CEP112: variants seen among roughly 807,000 people sequenced by gnomAD.
CEP112 encodes centrosomal protein 112.
Under a neutral mutation model 153.0 loss-of-function variants are expected in CEP112, and 127 were observed. That is an observed-to-expected ratio of 0.83 (90% CI 0.72 to 0.96). CEP112 has a LOEUF of 0.96. CEP112 is among the 40% of genes least tolerant of loss of function. The pLI, the probability that CEP112 is intolerant of heterozygous loss-of-function variation, is 0.00. For missense variants in CEP112, 1,089 were observed against 1,101.2 expected, an observed-to-expected ratio of 0.99 and a Z score of 0.16; for synonymous variants, 358 against 374.4, an observed-to-expected ratio of 0.96 and a Z score of 0.51.
intron 19 of CEP112, among the ~76,000 whole-genome samples, chr17:65,915,167 A>G (rs1483947630): frequency 6.6e-6 from 1 of 152,108 alleles, no homozygotes; most frequent in East Asian, 1.9e-4. Flanking sequence ...CCCTAGACTC[A>G]GTCCTGGAAG....
At chr17:66,189,111 G>A (rs2146956516) in intron 1 of CEP112, among the ~76,000 whole-genome samples, 1 of 152,222 alleles carries the variant, frequency 6.6e-6, no homozygotes, top group African/African-American at 2.4e-5. Context: ...ATGAAATCAA[G>A]CACAAAGCTC....
At chr17:66,027,308 C>A (rs1233452599) in intron 16 of CEP112, among the ~76,000 whole-genome samples, 193 bp downstream of exon 16, 1 of 151,946 alleles carries the variant, frequency 6.6e-6, no homozygotes, top group Non-Finnish European at 1.5e-5. Flanking sequence ...ACCTAGGAGG[C>A]AGAAGCTACA....
intron 23 of CEP112, 26 bp from the exon 24 acceptor site, chr17:65,689,244 C>T: frequency 6.6e-7 from 1 of 1,517,770 alleles, no homozygotes; most frequent in Non-Finnish European, 9.1e-7. Flanking sequence ...ATAAAGATAT[C>T]ATTAATAATT....
chr17:65,680,663 G>C (rs1304919934), intron 24 of CEP112, among the ~76,000 whole-genome samples: 1 of 152,170 alleles, frequency 6.6e-6, no homozygotes, highest in Non-Finnish European at 1.5e-5. Context: ...TTAATGCGGA[G>C]GGCGGGGAGG....
At chr17:66,008,244 AT>A (rs887087490) in intron 16 of CEP112, among the ~76,000 whole-genome samples, 6 of 152,134 alleles carry the variant, frequency 3.9e-5, no homozygotes, top group African/African-American at 1.4e-4. Flanking sequence ...ACATATACTT[AT>A]TTTTGTGATG....
intron 4 of CEP112, among the ~76,000 whole-genome samples, chr17:66,164,695 A>C (rs1349983727): frequency 6.6e-6 from 1 of 151,904 alleles, no homozygotes; most frequent in East Asian, 1.9e-4. Context: ...GTCTCTACTA[A>C]AAATACAAAA....
intron 18 of CEP112, among the ~76,000 whole-genome samples, chr17:65,952,358 A>C (rs1477315056): frequency 6.6e-6 from 1 of 152,072 alleles, no homozygotes; most frequent in Admixed American, 6.5e-5. Context: ...CAGGACTCAG[A>C]GAATAAAAAA....
intron 23 of CEP112, among the ~76,000 whole-genome samples, chr17:65,723,891 C>T (rs933639823): frequency 3.3e-4 from 51 of 152,278 alleles, no homozygotes; most frequent in African/African-American, 1.2e-3. Context: ...GGGTGAGATG[C>T]AAATCATCTG....
chr17:65,966,236 C>T (rs2062410216), intron 17 of CEP112, among the ~76,000 whole-genome samples: 1 of 152,142 alleles, frequency 6.6e-6, no homozygotes, highest in Non-Finnish European at 1.5e-5. Flanking sequence ...TGTTAAACAA[C>T]CACAAGCCAG....
At chr17:66,054,556 AG>A (rs1356154332) in intron 11 of CEP112, among the ~76,000 whole-genome samples, 2 of 152,342 alleles carry the variant, frequency 1.3e-5, no homozygotes, top group Admixed American at 6.5e-5. Flanking sequence ...AGGCAAATAC[AG>A]GAGGTCCAGA....
At chr17:65,850,153 CAAAAAAA>C (rs57086665) in intron 21 of CEP112, among the ~76,000 whole-genome samples, 1,016 of 35,732 alleles carry the variant, frequency 0.028, 7 homozygotes, top group African/African-American at 0.09. Flanking sequence ...GACTCTGTCT[CAAAAAAA>C]AAAAAAAAAA....
At chr17:65,866,403 G>A (rs2058487480) in intron 20 of CEP112, among the ~76,000 whole-genome samples, 1 of 152,232 alleles carries the variant, frequency 6.6e-6, no homozygotes, top group South Asian at 2.1e-4. Flanking sequence ...TGCGCCCCTT[G>A]GCACAAACAG....
At chr17:66,096,506 A>G in intron 7 of CEP112, 79 bp downstream of exon 7, 1 of 1,176,714 alleles carries the variant, frequency 8.5e-7, no homozygotes, top group Non-Finnish European at 1.2e-6. Flanking sequence ...GATCCGCATT[A>G]TTTTCTATAA....
At position 65,640,137 on chromosome 17, in the gene CEP112, C is replaced by CAT. The variant is rs762352624; in HGVS notation, c.2799+825_2799+826dup. The stretch of plus-strand genomic sequence containing the variant: ...ACAGGCGTGAGCCACTGCACCCGAC[C>CAT]ATATATATATATATATATTTTTTTT... On this transcript the variant is annotated intron_variant, in intron 25 of 26. Coordinates refer to ENST00000535342, the MANE Select transcript of CEP112 (RefSeq NM_001199165.4). 3.4e-3 allele frequency among the ~76,000 whole-genome samples: 384 copies of CAT among 112,060 alleles called. 6 individuals are homozygous for CAT. Among genetic ancestry groups the CAT allele is most frequent in the East Asian group, 0.013 (47 of 3,482 alleles). The allele number at this position is 112,060 out of a possible 152,430, so 73.5% of individuals were successfully genotyped here. A position where few individuals can be genotyped will look rare whatever the true frequency, so the allele number is the denominator to read the frequency against.
chr17:65,717,256 C>T (rs1166919677), intron 23 of CEP112, among the ~76,000 whole-genome samples: 1 of 152,162 alleles, frequency 6.6e-6, no homozygotes, highest in Non-Finnish European at 1.5e-5. Flanking sequence ...CTGGAAACAG[C>T]CTTTTAAAGG....
chr17:65,994,845 A>G (rs2063724704), intron 17 of CEP112, among the ~76,000 whole-genome samples: 1 of 152,114 alleles, frequency 6.6e-6, no homozygotes. Context: ...GTTCATTTGT[A>G]TCCCTGCCTG....
chr17:65,677,665 C>A (rs2047301113), intron 24 of CEP112, among the ~76,000 whole-genome samples: 1 of 152,146 alleles, frequency 6.6e-6, no homozygotes, highest in African/African-American at 2.4e-5. Flanking sequence ...GTAATCCCAG[C>A]ACTTTGGGAG....
At chr17:65,918,614 A>G (rs897014102) in intron 19 of CEP112, among the ~76,000 whole-genome samples, 5 of 152,218 alleles carry the variant, frequency 3.3e-5, no homozygotes, top group African/African-American at 1.2e-4. Context: ...GTTGCCAAAG[A>G]AATCTCTATA....
chr17:66,058,470 A>C (rs1299955242), intron 11 of CEP112, among the ~76,000 whole-genome samples: 1 of 145,518 alleles, frequency 6.9e-6, no homozygotes, highest in African/African-American at 2.5e-5. Context: ...TCAAATTACC[A>C]ATGTCATTTT....
Sources: allele counts gnomAD v4.1 joint callset (sites outside exome capture counted in the v4.1 genomes callset), GRCh38; gene constraint gnomAD v4.1.1; transcripts MANE v1.5; gene names NCBI Gene and HGNC (gene_info 2026-07-23, HGNC 2026-07-21).